TMEM39A: variants seen among roughly 807,000 people sequenced by gnomAD.
The protein encoded by TMEM39A is suppressor of SQST-1 aggregates in rpl-43 mutants.
In TMEM39A, 19 loss-of-function variants were observed where a neutral mutation model predicts 51.9. That is an observed-to-expected ratio of 0.37 (90% CI 0.26 to 0.54). TMEM39A has a LOEUF of 0.54. Among genes scored for constraint, TMEM39A ranks in the 20% least tolerant of loss-of-function variants. The pLI, the probability that TMEM39A is intolerant of heterozygous loss-of-function variation, is 0.88. For missense variants in TMEM39A, 433 were observed against 590.5 expected (o/e 0.73, Z 2.76); for synonymous variants, 197 against 220.2 (o/e 0.89, Z 0.93).
Position 119,438,061 on chromosome 3 carries a change from A to G in TMEM39A, c.618T>C (p.Ser206=). 6.3e-7 allele frequency: 1 copy of G among 1,599,584 alleles called. No homozygotes were observed. Among genetic ancestry groups the G allele is most frequent in the Non-Finnish European group, 8.6e-7 (1 of 1,167,698 alleles). ...AGTCTGTGAGAAGAAGATGTGCTCTACTATCTTGATGAAAACAGCAAAGAG... is the reference window on the plus strand; with the variant it reads ...AGTCTGTGAGAAGAAGATGTGCTCTGCTATCTTGATGAAAACAGCAAAGAG... ...YVPLCCFHQD[S]RAHLLLTDYN... is the part of the protein sequence containing the mutation. The change falls in exon 6 of 9, where the codon AGT becomes AGC. Residue 206 remains serine, a synonymous_variant. Coordinates refer to ENST00000319172, the MANE Select transcript of TMEM39A (RefSeq NM_018266.3).
chr3:119,438,192 A>G, intron 5 of TMEM39A, 89 bp from the exon 6 acceptor site: 1 of 1,021,454 alleles, frequency 9.8e-7, no homozygotes, highest in Non-Finnish European at 1.4e-6. Flanking sequence ...AACTTAGGTC[A>G]ATAAAATAGT....
intron 5 of TMEM39A, among the ~76,000 whole-genome samples, chr3:119,440,938 C>T (rs1008093774): frequency 6.6e-6 from 1 of 152,068 alleles, no homozygotes; most frequent in South Asian, 2.1e-4. Flanking sequence ...TGGTAATTCT[C>T]CCAATATTTC....
chr3:119,432,939 T>C (rs1440435072), intron 8 of TMEM39A, among the ~76,000 whole-genome samples: 2 of 152,152 alleles, frequency 1.3e-5, no homozygotes, highest in African/African-American at 2.4e-5. Flanking sequence ...ATTACTACTA[T>C]ATTTACTCCC....
At chr3:119,446,001 C>T (rs1234510383) in intron 5 of TMEM39A, among the ~76,000 whole-genome samples, 1 of 152,108 alleles carries the variant, frequency 6.6e-6, no homozygotes. Flanking sequence ...TAGTACCAAA[C>T]CCTACATACA....
chr3:119,462,128 G>A lies in TMEM39A; in HGVS notation c.-54C>T, dbSNP rs1173764299. ...ACCTGTAGTTGCAACCCAGGTTAAT[G>A]GTTGTCAACCAGTTTCAACTCTGAA... On this transcript the variant is annotated 5_prime_UTR_variant, in exon 2 of 9. Transcript: ENST00000319172. 1 of 1,414,094 alleles carries A rather than the reference G, an allele frequency of 7.1e-7. No homozygotes were observed. The highest frequency in any genetic ancestry group is 9.9e-7 in the Non-Finnish European group (1 of 1,006,308). 87.6% of individuals were successfully genotyped at this position (1,414,094 alleles called of 1,614,324 possible). A position where few individuals can be genotyped will look rare whatever the true frequency, so the allele number is the denominator to read the frequency against.
intron 5 of TMEM39A, among the ~76,000 whole-genome samples, chr3:119,445,182 G>GGATTAAGT (rs2081107452): frequency 6.6e-6 from 1 of 152,024 alleles, no homozygotes; most frequent in Non-Finnish European, 1.5e-5. Flanking sequence ...TCTTGACAGG[G>GGATTAAGT]GATTAAGTCA....
chr3:119,437,867 C>T lies in TMEM39A; in HGVS notation c.812G>A (p.Arg271His), dbSNP rs1407449734. The change falls in exon 6 of 9, where the codon CGC becomes CAC. Residue 271 changes from arginine to histidine, a missense_variant. Around this residue, in one of 3 missense-constraint regions of TMEM39A, gnomAD observed 223 missense variants for 328.1 expected, o/e 0.68. Coordinates refer to ENST00000319172, the MANE Select transcript of TMEM39A (RefSeq NM_018266.3). ...HSCPLSPDLI[R>H]NEVECLKADF... ...TGCTTTCAGACATTCTACTTCATTG[C>T]GAATGAGGTCTGGAGATAGGGGACA... 1.9e-6 allele frequency: 3 copies of T among 1,612,276 alleles called. No individual in the cohort carries two copies. Among genetic ancestry groups the T allele is most frequent in the Non-Finnish European group, 2.5e-6 (3 of 1,178,538 alleles).
intron 5 of TMEM39A, among the ~76,000 whole-genome samples, chr3:119,443,058 T>A (rs775573998): frequency 1.3e-3 from 112 of 88,758 alleles, no homozygotes; most frequent in Non-Finnish European, 2.0e-3. Context: ...AGTGAGACCC[T>A]GTCTCAAAAA....
At chr3:119,437,097 T>C (rs1371099753) in intron 6 of TMEM39A, 119 bp from the exon 7 acceptor site, 1 of 864,908 alleles carries the variant, frequency 1.2e-6, no homozygotes, top group Non-Finnish European at 1.7e-6. Context: ...GCACTGGTGG[T>C]CCTGCTGTCC....
chr3:119,451,176 G>A (rs1043581964), intron 4 of TMEM39A: 30 of 1,094,884 alleles, frequency 2.7e-5, no homozygotes, highest in South Asian at 5.0e-5. Context: ...ATAAACAGAC[G>A]TTCCTACTGT....
intron 3 of TMEM39A, among the ~76,000 whole-genome samples, chr3:119,456,452 T>G (rs977768376): frequency 6.6e-6 from 1 of 152,176 alleles, no homozygotes; most frequent in Non-Finnish European, 1.5e-5. Context: ...AAAACAAAAA[T>G]TTTTATTCTC....
chr3:119,445,295 G>A (rs1170560908), intron 5 of TMEM39A, among the ~76,000 whole-genome samples: 6 of 151,932 alleles, frequency 3.9e-5, no homozygotes, highest in Non-Finnish European at 7.4e-5. Flanking sequence ...AGTCTTGCTC[G>A]TCGCCCAGTC....
At chr3:119,445,336 C>T (rs1053522057) in intron 5 of TMEM39A, among the ~76,000 whole-genome samples, 17 of 152,204 alleles carry the variant, frequency 1.1e-4, no homozygotes, top group African/African-American at 3.1e-4. Flanking sequence ...CTGGCTCTGG[C>T]TCATTGCAAC....
chr3:119,450,826 C>CAAAAAAAAAAAAAA lies in TMEM39A; in HGVS notation c.420+1607_420+1620dup, dbSNP rs60326718. On this transcript the variant is annotated intron_variant, in intron 4 of 8. Transcript: ENST00000319172. ...TAGGCGACAGAGCCAGACTCCATCT[C>CAAAAAAAAAAAAAA]AAAAAAAAAAAAAAAAAAAAAAAAA... 5.4e-5 allele frequency among the ~76,000 whole-genome samples: 3 copies of CAAAAAAAAAAAAAA among 55,900 alleles called. 1 individual carries two copies. Among genetic ancestry groups the CAAAAAAAAAAAAAA allele is most frequent in the African/African-American group, 7.3e-5 (1 of 13,736 alleles). 36.7% of individuals were successfully genotyped at this position (55,900 alleles called of 152,430 possible). A position where few individuals can be genotyped will look rare whatever the true frequency, so the allele number is the denominator to read the frequency against.
intron 3 of TMEM39A, among the ~76,000 whole-genome samples, chr3:119,457,172 G>GT (rs1436792386): frequency 6.6e-6 from 1 of 151,974 alleles, no homozygotes; most frequent in Non-Finnish European, 1.5e-5. Context: ...GGGTTTCACC[G>GT]TGTTAGCCAG....
intron 1 of TMEM39A, 73 bp from the exon 2 acceptor site, chr3:119,462,221 T>C (rs981328436): frequency 1.6e-6 from 1 of 606,208 alleles, no homozygotes; most frequent in Non-Finnish European, 3.0e-6. Context: ...CGACAAACAC[T>C]GAGTAAGCAG....
chr3:119,432,227 TAA>T lies in TMEM39A; in HGVS notation c.1234-15_1234-14del. On this transcript the variant is annotated splice_polypyrimidine_tract_variant and intron_variant, in intron 8 of 8. Coordinates refer to ENST00000319172, the MANE Select transcript of TMEM39A (RefSeq NM_018266.3). ...GATGAAATAAGAACTGTAAGGAAGT[TAA>T]AAAAGTAAAACATTATTTCATAGAA... 1 of 1,560,534 alleles carries T rather than the reference TAA, an allele frequency of 6.4e-7. No homozygotes were observed. Among genetic ancestry groups the T allele is most frequent in the Non-Finnish European group, 8.7e-7 (1 of 1,142,958 alleles).
rs1244564400 is a variant in TMEM39A, at chr3:119,429,963, T to C, written c.*2018A>G. The C allele has an allele frequency of 6.6e-6, 1 of 152,090 alleles. No homozygotes were observed. Among genetic ancestry groups the C allele is most frequent in the Non-Finnish European group, 1.5e-5 (1 of 67,994 alleles). The allele number at this position is 152,090 out of a possible 1,614,324, so 9.4% of individuals were successfully genotyped here. ...GTTACTTTCCCAAGCTGGAGCCAAG[T>C]TGGGGCAATTTTGATGAGATATCTC... On this transcript the variant is annotated 3_prime_UTR_variant, in exon 9 of 9. Transcript: ENST00000319172.
chr3:119,440,813 T>C (rs890032855), intron 5 of TMEM39A, among the ~76,000 whole-genome samples: 8 of 152,222 alleles, frequency 5.3e-5, no homozygotes, highest in Admixed American at 1.3e-4. Flanking sequence ...TTTCACTTCA[T>C]TGTGCTTCCC....
Sources: gnomAD v4.1 joint callset for allele counts (sites outside exome capture counted in the v4.1 genomes callset) on GRCh38, gnomAD v4.1.1 for gene constraint, gnomAD v4.1.1 regional missense constraint, MANE v1.5 for transcripts, NCBI Gene and HGNC (gene_info 2026-07-23, HGNC 2026-07-21) for gene names.